The following SH2B3 variants were observed in gnomAD, a reference collection of about 807,000 sequenced individuals.
SH2B3 encodes SH2B adaptor protein 3.
Under a neutral mutation model 51.9 loss-of-function variants are expected in SH2B3, and 43 were observed. The ratio of observed to expected loss-of-function variants is 0.83; its 90% CI spans 0.65 to 1.07. The LOEUF (loss-of-function observed/expected upper bound fraction) is 1.07, where lower values mean the gene tolerates loss of function less well. SH2B3 is among the 50% of genes least tolerant of loss of function. The pLI is 0.00. For synonymous variants in SH2B3, 396 were observed against 376.0 expected, an observed-to-expected ratio of 1.05 and a Z score of -0.62; for missense variants, 952 against 834.3, an observed-to-expected ratio of 1.14 and a Z score of -1.74.
chr12:111,441,348 G>C (rs147854415), intron 2 of SH2B3, among the ~76,000 whole-genome samples: 16 of 146,718 alleles, frequency 1.1e-4, no homozygotes, highest in African/African-American at 3.8e-4. Context: ...CACAGAGCAA[G>C]ACCCTATCTC....
At position 111,409,761 on chromosome 12, in the gene SH2B3, T is replaced by G. The variant is rs1201860440; in HGVS notation, c.-28+3484T>G. On this transcript the variant is annotated intron_variant, in intron 1 of 7. Coordinates refer to ENST00000341259, the MANE Select transcript of SH2B3 (RefSeq NM_005475.3). The surrounding 1 kb of genome is among the most constrained non-coding windows in gnomAD (Gnocchi z 4.0). ...AGGCCACCACTGGACATCTGCTCAA[T>G]GGGGCCCTGCTGCCGGGGTGACAAG... 6.6e-6 allele frequency among the ~76,000 whole-genome samples: 1 copy of G among 152,144 alleles called. No individual in the cohort carries two copies. Among genetic ancestry groups the G allele is most frequent in the Non-Finnish European group, 1.5e-5 (1 of 68,020 alleles).
At chr12:111,431,306 A>G (rs1190287431) in intron 2 of SH2B3, among the ~76,000 whole-genome samples, 1 of 152,128 alleles carries the variant, frequency 6.6e-6, no homozygotes, top group East Asian at 1.9e-4. Context: ...GCACCACTGT[A>G]GGAGGAGAGA....
At position 111,446,820 on chromosome 12, in the gene SH2B3, A is replaced by C; in HGVS notation, c.800A>C (p.Glu267Ala). ...GAGGTCCGGTGGTGCACACGGCTTGAGATGCCTGACAACCTTTACACCTTT... is the reference window on the plus strand; with the variant it reads ...GAGGTCCGGTGGTGCACACGGCTTGCGATGCCTGACAACCTTTACACCTTT... ...IQEVRWCTRL[E>A]MPDNLYTFVL... The change falls in exon 3 of 8, where the codon GAG becomes GCG. Residue 267 changes from glutamate to alanine, a missense_variant. Glu to Ala is a moderately radical substitution (Grantham distance 107). Coordinates refer to ENST00000341259, the MANE Select transcript of SH2B3 (RefSeq NM_005475.3). The C allele has an allele frequency of 6.3e-7, 1 of 1,585,498 alleles. No individual in the cohort carries two copies. Among genetic ancestry groups the C allele is most frequent in the Non-Finnish European group, 8.6e-7 (1 of 1,162,868 alleles).
At chr12:111,440,731 T>A (rs1873329132) in intron 2 of SH2B3, among the ~76,000 whole-genome samples, 1 of 152,216 alleles carries the variant, frequency 6.6e-6, no homozygotes, top group East Asian at 1.9e-4. Flanking sequence ...CTCCTTTCTC[T>A]GTGCTGGGCC....
In SH2B3 at chr12:111,429,731, C is replaced by T. The variant is rs1872310879; in HGVS notation, c.732+10854C>T. On this transcript the variant is annotated intron_variant, in intron 2 of 7. Transcript: ENST00000341259. The surrounding 1 kb of genome is among the most constrained non-coding windows in gnomAD (Gnocchi z 4.4). Reference sequence around the variant, plus strand: ...CCGGAGGTGGGGACAGTGATGAAGCCATTTCACAGCCAAGAAAACTAGGCA... The same window carrying T: ...CCGGAGGTGGGGACAGTGATGAAGCTATTTCACAGCCAAGAAAACTAGGCA... Among the ~76,000 whole-genome samples, 1 of 152,224 alleles carries T rather than the reference C, an allele frequency of 6.6e-6. No homozygotes were observed. The highest frequency in any genetic ancestry group is 2.4e-5 in the African/African-American group (1 of 41,456).
At chr12:111,419,299 G>A (rs955800084) in intron 2 of SH2B3, among the ~76,000 whole-genome samples, 43 of 151,902 alleles carry the variant, frequency 2.8e-4, no homozygotes, top group African/African-American at 1.0e-3. Context: ...GTAAGACCCT[G>A]TCTCTAAATA....
intron 2 of SH2B3, among the ~76,000 whole-genome samples, chr12:111,433,345 TG>T (rs1872628449): frequency 6.6e-6 from 1 of 152,092 alleles, no homozygotes; most frequent in Non-Finnish European, 1.5e-5. Flanking sequence ...AGAGAGACTC[TG>T]ACTCAGAAAA....
At chr12:111,419,655 T>C (rs935745129) in intron 2 of SH2B3, among the ~76,000 whole-genome samples, 2 of 152,034 alleles carry the variant, frequency 1.3e-5, no homozygotes, top group African/African-American at 4.8e-5. Context: ...AAAAAATGTT[T>C]AGACTTACAG....
At chr12:111,434,884 G>T (rs1180476196) in intron 2 of SH2B3, 1 of 1,535,618 alleles carries the variant, frequency 6.5e-7, no homozygotes, top group Admixed American at 2.0e-5. Flanking sequence ...GTCCGTGCCG[G>T]GTGGAGCTCA....
intron 2 of SH2B3, among the ~76,000 whole-genome samples, chr12:111,424,583 G>A (rs1325917976): frequency 1.3e-5 from 2 of 152,138 alleles, no homozygotes; most frequent in Admixed American, 1.3e-4. Flanking sequence ...CGTAGCCCTG[G>A]CTGGCTGGGG....
Position 111,418,282 on chromosome 12 carries a change from G to C in SH2B3, c.137G>C (p.Trp46Ser). 1 of 1,539,136 alleles carries C rather than the reference G, an allele frequency of 6.5e-7. No individual in the cohort carries two copies. Among genetic ancestry groups the C allele is most frequent in the Non-Finnish European group, 8.7e-7 (1 of 1,149,598 alleles). The change falls in exon 2 of 8, where the codon TGG becomes TCG. Residue 46 changes from tryptophan (W) to serine (S), a missense_variant. Physicochemically the swap from Trp to Ser is radical, Grantham distance 177. Transcript: ENST00000341259. The surrounding 1 kb of genome is among the most constrained non-coding windows in gnomAD (Gnocchi z 6.7). Reference protein sequence around the residue: ...AAARELARQYWLFAREHPQHA... With the variant: ...AAARELARQYSLFAREHPQHA... ...GCCCGGGAGCTGGCCCGCCAGTACT[G>C]GCTGTTCGCCCGGGAGCATCCGCAG...
chr12:111,406,962 G>A lies in SH2B3; in HGVS notation c.-28+685G>A, dbSNP rs1360542875. Among the ~76,000 whole-genome samples the A allele has an allele frequency of 2.0e-5, 3 of 152,202 alleles. No individual in the cohort carries two copies. Among genetic ancestry groups the A allele is most frequent in the South Asian group, 2.1e-4 (1 of 4,832 alleles). On this transcript the variant is annotated intron_variant, in intron 1 of 7. Transcript: ENST00000341259. This position sits in a 1 kb window ranked among gnomAD's most constrained non-coding sequence, Gnocchi z 5.7. ...CCCCGACCAAAAAACGTCTGGAGTG[G>A]GTGTTGGTCTTCTAGATCCGCACGG...
rs189430842 is a variant in SH2B3 at position 111,409,429 on chromosome 12, G to A, written c.-28+3152G>A. 4.9e-4 allele frequency among the ~76,000 whole-genome samples: 74 copies of A among 152,338 alleles called. No individual in the cohort carries two copies. Among genetic ancestry groups the A allele is most frequent in the African/African-American group, 1.6e-3 (68 of 41,582 alleles). On this transcript the variant is annotated intron_variant, in intron 1 of 7. Coordinates refer to ENST00000341259, the MANE Select transcript of SH2B3 (RefSeq NM_005475.3). This position sits in a 1 kb window ranked among gnomAD's most constrained non-coding sequence, Gnocchi z 4.0. ...GGGAAAACGGTCCCCAAGGGCCCGC[G>A]GGCGTTCAGCATCTTTGACGAGGCA...
At chr12:111,441,627 T>C (rs1458274641) in intron 2 of SH2B3, among the ~76,000 whole-genome samples, 1 of 152,132 alleles carries the variant, frequency 6.6e-6, no homozygotes, top group African/African-American at 2.4e-5. Flanking sequence ...GTGAGGACCT[T>C]CCTCACCTCA....
In SH2B3 at chr12:111,411,141, G is replaced by A. The variant is rs569284554; in HGVS notation, c.-28+4864G>A. ...AGCACTTTGGAAGGTCAAGGTGGGA[G>A]GATCACTTGAGCCCAGGAGTTTGAA... On this transcript the variant is annotated intron_variant, in intron 1 of 7. Coordinates refer to ENST00000341259, the MANE Select transcript of SH2B3 (RefSeq NM_005475.3). Among the ~76,000 whole-genome samples the A allele has an allele frequency of 1.1e-4, 17 of 151,342 alleles. No individual in the cohort carries two copies. The South Asian group carries it at 3.6e-3, about 32-fold the overall frequency.
In SH2B3 at chr12:111,433,558, T is replaced by TTTTG. The variant is rs951039389; in HGVS notation, c.733-13183_733-13180dup. ...AAGTAGTTTCTCAGTGTGGTGTTTT[T>TTTTG]TTTGTTTGTTTGTTTTAAACGGGGT... On this transcript the variant is annotated intron_variant, in intron 2 of 7. Coordinates refer to ENST00000341259, the MANE Select transcript of SH2B3 (RefSeq NM_005475.3). Among the ~76,000 whole-genome samples the TTTTG allele has an allele frequency of 2.0e-5, 3 of 152,238 alleles. No homozygotes were observed. The South Asian group carries it at 6.2e-4, about 32-fold the overall frequency.
chr12:111,434,763 G>C, intron 2 of SH2B3: 1 of 1,443,514 alleles, frequency 6.9e-7, no homozygotes, highest in Non-Finnish European at 9.1e-7. Flanking sequence ...TTTTGTTATG[G>C]GTGGCTGGTG....
intron 7 of SH2B3, 45 bp from the exon 8 acceptor site, chr12:111,447,938 T>A: frequency 6.4e-7 from 1 of 1,555,506 alleles, no homozygotes. Context: ...TGTCAGCACT[T>A]GCCTCAAGAC....
chr12:111,428,830 G>A (rs1329497178), intron 2 of SH2B3, among the ~76,000 whole-genome samples: 1 of 152,074 alleles, frequency 6.6e-6, no homozygotes, highest in African/African-American at 2.4e-5. Context: ...AGGTGGCACC[G>A]CCCTCACACC....
Sources: gnomAD v4.1 joint callset for allele counts (sites outside exome capture counted in the v4.1 genomes callset) on GRCh38, gnomAD v4.1.1 for gene constraint, Gnocchi (gnomAD v3.1) non-coding constraint, MANE v1.5 for transcripts, NCBI Gene and HGNC (gene_info 2026-07-23, HGNC 2026-07-21) for gene names.